SHOX2: variants seen among roughly 807,000 people sequenced by gnomAD.
SHOX2 encodes the protein SHOX homeobox 2.
In SHOX2, 13 loss-of-function variants were observed where a neutral mutation model predicts 31.3. The ratio of observed to expected loss-of-function variants is 0.42; its 90% CI spans 0.27 to 0.66. The LOEUF is 0.66. Ranked by LOEUF, SHOX2 falls within the 30% of genes least tolerant of loss-of-function variation. The probability of loss-of-function intolerance (pLI) is 0.27; values close to 1 mark genes in which losing one functional copy is unlikely to be tolerated. For missense variants in SHOX2, 473 were observed against 443.0 expected (o/e 1.07, Z -0.61); for synonymous variants, 244 against 196.2 (o/e 1.24, Z -2.04).
At chr3:158,105,364 C>T (rs1713826036) in intron 1 of SHOX2, 4 of 593,168 alleles carry the variant, frequency 6.7e-6, no homozygotes, top group Non-Finnish European at 1.2e-5. Flanking sequence ...CGCCTGCGGG[C>T]CATCCGGGCT....
chr3:158,095,926 C>T lies in SHOX2; in HGVS notation c.*2101G>A, dbSNP rs1183996832. 2 of 152,312 alleles carry T rather than the reference C, an allele frequency of 1.3e-5. No individual in the cohort carries two copies. Among genetic ancestry groups the T allele is most frequent in the African/African-American group, 4.8e-5 (2 of 41,394 alleles). The allele number at this position is 152,312 out of a possible 1,614,324, so 9.4% of individuals were successfully genotyped here. ...AAGCGCTTTTCCAAGTTGGTATATT[C>T]GAGAGAGTGATACGCATTAATCAAA... is the stretch of plus-strand genomic sequence containing the variant. On this transcript the variant is annotated 3_prime_UTR_variant, in exon 5 of 5. Coordinates refer to ENST00000483851, the MANE Select transcript of SHOX2 (RefSeq NM_001163678.2).
chr3:158,096,905 T>TC lies in SHOX2; in HGVS notation c.*1121_*1122insG, dbSNP rs1235825397. On this transcript the variant is annotated 3_prime_UTR_variant, in exon 5 of 5. Coordinates refer to ENST00000483851, the MANE Select transcript of SHOX2 (RefSeq NM_001163678.2). Reference sequence around the variant, plus strand: ...GACAGGGCAAATATATATATATATATATATATATATATATATATATATATA... The same window carrying TC: ...GACAGGGCAAATATATATATATATATCATATATATATATATATATATATATA... 1 of 105,120 alleles carries TC rather than the reference T, an allele frequency of 9.5e-6. No homozygotes were observed. Among genetic ancestry groups the TC allele is most frequent in the African/African-American group, 3.5e-5 (1 of 28,718 alleles). 6.5% of individuals were successfully genotyped at this position (105,120 alleles called of 1,614,324 possible).
In SHOX2 at chr3:158,106,108, C is replaced by T. The variant is rs1713914376; in HGVS notation, c.-84G>A. ...CCTTCTTCTTTTTTTACTGCTCCAG[C>T]CCCCCCAATAATAACACATCAATGG... On this transcript the variant is annotated 5_prime_UTR_variant, in exon 1 of 5. Transcript: ENST00000483851. The T allele has an allele frequency of 7.0e-6, 11 of 1,578,586 alleles. No homozygotes were observed. The highest frequency in any genetic ancestry group is 9.5e-6 in the Non-Finnish European group (11 of 1,162,664).
In SHOX2 at chr3:158,102,648, T is replaced by G. The variant is rs116270565; in HGVS notation, c.555+30A>C. ...CCAACCCCAGGCTCTCTCTGCTCCC[T>G]GGGCCCTCGACCTCCTGGCAGCTGG... On this transcript the variant is annotated intron_variant, in intron 2 of 4. Transcript: ENST00000483851. 9.7e-4 allele frequency: 1,559 copies of G among 1,601,864 alleles called. 13 individuals are homozygous for G. In the African/African-American group the frequency reaches 0.019, roughly 19 times the overall value.
chr3:158,097,188 T>C lies in SHOX2; in HGVS notation c.*839A>G, dbSNP rs925914803. 6.6e-6 allele frequency: 1 copy of C among 152,186 alleles called. No individual in the cohort carries two copies. Among genetic ancestry groups the C allele is most frequent in the Non-Finnish European group, 1.5e-5 (1 of 67,962 alleles). The allele number at this position is 152,186 out of a possible 1,614,324, so 9.4% of individuals were successfully genotyped here. A position where few individuals can be genotyped will look rare whatever the true frequency, so the allele number is the denominator to read the frequency against. ...TTTGTGTTAATATTATTTTTCTCTC[T>C]CCTCGTTTTAATATTTTCTCTTTTC... On this transcript the variant is annotated 3_prime_UTR_variant, in exon 5 of 5. Coordinates refer to ENST00000483851, the MANE Select transcript of SHOX2 (RefSeq NM_001163678.2).
chr3:158,100,362 A>T (rs1371760141), intron 2 of SHOX2, 51 bp from the exon 3 acceptor site: 18 of 1,405,850 alleles, frequency 1.3e-5, no homozygotes, highest in African/African-American at 1.0e-4. Context: ...ATGACTAAAA[A>T]TTTTTTTAAA....
At chr3:158,102,216 T>C (rs945546515) in intron 2 of SHOX2, among the ~76,000 whole-genome samples, 2 of 152,160 alleles carry the variant, frequency 1.3e-5, no homozygotes, top group South Asian at 4.1e-4. Context: ...ATAAACCTAA[T>C]TGGGATATCC....
At position 158,098,184 on chromosome 3, in the gene SHOX2, G is replaced by T. The variant is rs777317891; in HGVS notation, c.803C>A (p.Pro268Gln). ...AHAPYMMFPA[P>Q]PFGLPLATLA... ...CGTGGCGAGCGGCAGTCCGAAGGGC[G>T]GTGCTGGGAACATCATGTAGGGCGC... is the stretch of plus-strand genomic sequence containing the variant. The change falls in exon 5 of 5, where the codon CCG becomes CAG. Residue 268 changes from proline (P) to glutamine (Q), a missense_variant. Transcript: ENST00000483851. 15 of 1,613,576 alleles carry T rather than the reference G, an allele frequency of 9.3e-6. No homozygotes were observed. In the African/African-American group the frequency reaches 2.0e-4, roughly 22 times the overall value.
At position 158,098,135 on chromosome 3, in the gene SHOX2, G is replaced by C. The variant is rs552279655; in HGVS notation, c.852C>G (p.Ala284=). The C allele has an allele frequency of 6.2e-4, 1,000 of 1,613,368 alleles. 11 individuals are homozygous for C. In the East Asian group the frequency reaches 8.3e-3, roughly 13 times the overall value. The change falls in exon 5 of 5, where the codon GCC becomes GCG. Residue 284 remains alanine (A), a synonymous_variant. Transcript: ENST00000483851. The stretch of plus-strand genomic sequence containing the variant: ...CTGCTGCGGCCGCCACTACCGAGGC[G>C]GCGGAAGCCGAATCCGCGGCCAGCG... ...LATLAADSAS[A]ASVVAAAAAA...
In SHOX2 at chr3:158,097,049, A is replaced by G. The variant is rs1286077794; in HGVS notation, c.*978T>C. The G allele has an allele frequency of 6.6e-6, 1 of 150,888 alleles. No homozygotes were observed. The highest frequency in any genetic ancestry group is 1.5e-5 in the Non-Finnish European group (1 of 67,660). The allele number at this position is 150,888 out of a possible 1,614,324, so 9.3% of individuals were successfully genotyped here. A position where few individuals can be genotyped will look rare whatever the true frequency, so the allele number is the denominator to read the frequency against. On this transcript the variant is annotated 3_prime_UTR_variant, in exon 5 of 5. Transcript: ENST00000483851. The stretch of plus-strand genomic sequence containing the variant: ...AGTGCATGGGAGATAAGGGGGTGGG[A>G]GGAGACACACCATCAATGGAATACA...
At position 158,102,856 on chromosome 3, in the gene SHOX2, T is replaced by A. The variant is rs1423025722; in HGVS notation, c.377A>T (p.Asp126Val). 3.1e-6 allele frequency: 5 copies of A among 1,613,804 alleles called. No homozygotes were observed. The South Asian group carries it at 5.5e-5, about 18-fold the overall frequency. ...VSPELKDRKEDAKGMEDEGQT... is the reference protein window; with the variant it reads ...VSPELKDRKEVAKGMEDEGQT... ...GCCTTCGTCCTCCATCCCTTTCGCA[T>A]CCTCTTTGCGATCTTTCAGCTCCGG... The change falls in exon 2 of 5, where the codon GAT (aspartate) becomes GTT (valine). Residue 126 changes from aspartate (D) to valine (V), a missense_variant. By Grantham distance (152) the Asp-to-Val change is radical. Transcript: ENST00000483851.
At chr3:158,100,365 T>G in intron 2 of SHOX2, 54 bp from the exon 3 acceptor site, 1 of 1,409,398 alleles carries the variant, frequency 7.1e-7, no homozygotes, top group South Asian at 1.3e-5. Context: ...ACTAAAAATT[T>G]TTTTAAATTA....
Position 158,102,798 on chromosome 3 carries a change from G to C in SHOX2, c.435C>G (p.Thr145=), listed in dbSNP as rs1416461057. The C allele has an allele frequency of 6.2e-7, 1 of 1,613,990 alleles. No homozygotes were observed. The highest frequency in any genetic ancestry group is 1.7e-5 in the Admixed American group (1 of 60,006). The change falls in exon 2 of 5, where the codon ACC becomes ACG. Residue 145 remains threonine (T), a synonymous_variant. Transcript: ENST00000483851. ...QTKIKQRRSR[T]NFTLEQLNEL... ...CATTGAGTTGTTCCAGGGTGAAATT[G>C]GTCCGACTTCGCCTCTGCTTGATTT...
intron 1 of SHOX2, among the ~76,000 whole-genome samples, chr3:158,104,513 G>C (rs935161206): frequency 6.6e-6 from 1 of 152,220 alleles, no homozygotes; most frequent in Non-Finnish European, 1.5e-5. Context: ...CAATTTAATA[G>C]CAAAGTATTT....
chr3:158,096,932 G>GTA lies in SHOX2; in HGVS notation c.*1094_*1095insTA, dbSNP rs1559893678. ...TATATATATATATATATATATATAT[G>GTA]GCAAATATATGATATATATATATGG... On this transcript the variant is annotated 3_prime_UTR_variant, in exon 5 of 5. Transcript: ENST00000483851. 2 of 40,650 alleles carry GTA rather than the reference G, an allele frequency of 4.9e-5. No individual in the cohort carries two copies. The highest frequency in any genetic ancestry group is 9.8e-5 in the Non-Finnish European group (2 of 20,448). 2.5% of individuals were successfully genotyped at this position (40,650 alleles called of 1,614,324 possible).
At position 158,106,038 on chromosome 3, in the gene SHOX2, C is replaced by G; in HGVS notation, c.-14G>C. The G allele has an allele frequency of 6.2e-7, 1 of 1,612,200 alleles. No homozygotes were observed. The highest frequency in any genetic ancestry group is 8.5e-7 in the Non-Finnish European group (1 of 1,179,164). On this transcript the variant is annotated 5_prime_UTR_variant, in exon 1 of 5. Transcript: ENST00000483851. The stretch of plus-strand genomic sequence containing the variant: ...AAGTTCTTCCATCGCCGCCGCACGT[C>G]AGCCCGGCGCTCAACCTCTGCCAGC...
intron 1 of SHOX2, chr3:158,105,082 G>A: frequency 1.4e-6 from 2 of 1,465,922 alleles, no homozygotes; most frequent in Non-Finnish European, 1.8e-6. Flanking sequence ...GCCTCGCCCG[G>A]GAGAAGCAGC....
At position 158,105,077 on chromosome 3, in the gene SHOX2, G is replaced by T. The variant is rs1330057138; in HGVS notation, c.346+602C>A. The T allele has an allele frequency of 1.2e-5, 16 of 1,367,000 alleles. No individual in the cohort carries two copies. In the Admixed American group the frequency reaches 1.8e-4, roughly 15 times the overall value. The allele number at this position is 1,367,000 out of a possible 1,614,324, so 84.7% of individuals were successfully genotyped here. A position where few individuals can be genotyped will look rare whatever the true frequency, so the allele number is the denominator to read the frequency against. ...ACACACCAAGAAACCGAAACGCCTC[G>T]CCCGGGAGAAGCAGCGTAGCCTGGA... On this transcript the variant is annotated intron_variant, in intron 1 of 4. Transcript: ENST00000483851.
chr3:158,098,221 G>C lies in SHOX2; in HGVS notation c.766C>G (p.Leu256Val), dbSNP rs200140594. 1.4e-5 allele frequency: 22 copies of C among 1,613,958 alleles called. No homozygotes were observed. In the East Asian group the frequency reaches 4.5e-4, roughly 33 times the overall value. ...AHAHHHLHPH[L>V]AAHAPYMMFP... ...ATCATGTAGGGCGCGTGCGCGGCCA[G>C]GTGCGGATGCAGGTGGTGGTGCGCG... Residue 256 changes from leucine to valine, a missense_variant, in exon 5 of 5, where the codon CTG becomes GTG. This residue lies in a region of SHOX2 where 182 missense variants were observed against 167.2 expected (regional missense o/e 1.09). Transcript: ENST00000483851.
Sources: gnomAD v4.1 joint callset for allele counts (sites outside exome capture counted in the v4.1 genomes callset) on GRCh38, gnomAD v4.1.1 for gene constraint, gnomAD v4.1.1 regional missense constraint, MANE v1.5 for transcripts, NCBI Gene and HGNC (gene_info 2026-07-23, HGNC 2026-07-21) for gene names.